NOC3L: variants seen among roughly 807,000 people sequenced by gnomAD.
NOC3L encodes NOC3 like DNA replication regulator.
NOC3L carries 85 observed loss-of-function variants against 102.5 expected under a neutral mutation model. The observed-to-expected ratio is 0.83, with a 90% confidence interval of 0.70 to 0.99. The LOEUF is 0.99. Among genes scored for constraint, NOC3L ranks in the 50% least tolerant of loss-of-function variants. The pLI, the probability that NOC3L is intolerant of heterozygous loss-of-function variation, is 0.00. For missense variants in NOC3L, 878 were observed against 914.9 expected (o/e 0.96, Z 0.52); for synonymous variants, 303 against 309.4 (o/e 0.98, Z 0.22).
chr10:94,317,200 A>C, the NOC3L span, among the ~76,000 whole-genome samples: 59 of 152,328 alleles, frequency 3.9e-4, no homozygotes, highest in East Asian at 7.9e-3. Flanking sequence ...GGTTGCAGAG[A>C]GCTGAGATCG....
At chr10:94,316,652 T>A in the NOC3L span, 1 of 1,613,068 alleles carries the variant, frequency 6.2e-7, no homozygotes, top group Non-Finnish European at 8.5e-7. Context: ...GAAACAACCA[T>A]TCCAGAGAGC....
the NOC3L span, chr10:94,316,747 C>G: frequency 6.2e-7 from 1 of 1,612,704 alleles, no homozygotes; most frequent in Non-Finnish European, 8.5e-7. Flanking sequence ...TCTTAAAAAC[C>G]CAGCAGGAAG....
chr10:94,352,980 T>C lies in NOC3L; in HGVS notation c.774A>G (p.Val258=), dbSNP rs780232728. 5 of 1,613,662 alleles carry C rather than the reference T, an allele frequency of 3.1e-6. No individual in the cohort carries two copies. The highest frequency in any genetic ancestry group is 1.7e-5 in the Admixed American group (1 of 60,004). Residue 258 remains valine, a synonymous_variant, in exon 7 of 21, where the codon GTA becomes GTG. Coordinates refer to ENST00000371361, the MANE Select transcript of NOC3L (RefSeq NM_022451.11). ...TAAATAACTCCATCAGAGAAACAAT[T>C]ACCAGCTTTCGAACAGTAACAGCCA... ...PDVAVTVRKL[V]IVSLMELFKD... is the part of the protein sequence containing the mutation.
chr10:94,353,755 T>C (rs905837347), intron 6 of NOC3L, among the ~76,000 whole-genome samples: 2 of 152,264 alleles, frequency 1.3e-5, no homozygotes, highest in Non-Finnish European at 2.9e-5. Flanking sequence ...TTTCCTAAAG[T>C]ACGTGTGTCC....
In NOC3L at chr10:94,344,856, T is replaced by C; in HGVS notation, c.1467A>G (p.Lys489=). 1 of 1,597,066 alleles carries C rather than the reference T, an allele frequency of 6.3e-7. No homozygotes were observed. The highest frequency in any genetic ancestry group is 8.5e-7 in the Non-Finnish European group (1 of 1,174,790). ...AACAGAATATGAAACTGCCTACCAG[T>C]TTAAGTTTTTTCTCAGTACTCTCTG... ...EASESTEKKL[K]LHTETLNIVF... is the part of the protein sequence containing the mutation. The change falls in exon 12 of 21, where the codon AAA becomes AAG. Residue 489 remains lysine, a synonymous_variant. Coordinates refer to ENST00000371361, the MANE Select transcript of NOC3L (RefSeq NM_022451.11).
chr10:94,359,056 G>A (rs1331242674), intron 2 of NOC3L, among the ~76,000 whole-genome samples: 3 of 150,930 alleles, frequency 2.0e-5, no homozygotes, highest in Non-Finnish European at 4.4e-5. Context: ...TTGAAGTGCT[G>A]AGGATTCAAC....
intron 14 of NOC3L, among the ~76,000 whole-genome samples, 154 bp from the exon 15 acceptor site, chr10:94,340,650 C>A (rs1048888439): frequency 5.3e-5 from 8 of 151,886 alleles, no homozygotes; most frequent in Non-Finnish European, 8.8e-5. Flanking sequence ...TCATTTGAGC[C>A]CAGGAGTTCA....
intron 19 of NOC3L, 125 bp from the exon 20 acceptor site, chr10:94,334,843 C>A: frequency 1.5e-6 from 1 of 669,548 alleles, no homozygotes; most frequent in Non-Finnish European, 2.6e-6. Context: ...TTGAAACTAA[C>A]CAACCAATCC....
chr10:94,356,525 G>A lies in NOC3L; in HGVS notation c.565+10C>T. On this transcript the variant is annotated intron_variant, in intron 5 of 20. Transcript: ENST00000371361. ...CAATTAACAATTTAGTAACTGTAAA[G>A]ACATATTACCTTCCTCAAGTTCCCT... 1.3e-6 allele frequency: 2 copies of A among 1,532,068 alleles called. No homozygotes were observed. The highest frequency in any genetic ancestry group is 1.8e-6 in the Non-Finnish European group (2 of 1,107,982). The allele number at this position is 1,532,068 out of a possible 1,614,324, so 94.9% of individuals were successfully genotyped here.
At chr10:94,348,019 C>T (rs986260870) in intron 10 of NOC3L, among the ~76,000 whole-genome samples, 1 of 150,944 alleles carries the variant, frequency 6.6e-6, no homozygotes, top group Non-Finnish European at 1.5e-5. Context: ...TACCACATAC[C>T]CAAATATACT....
the NOC3L span, among the ~76,000 whole-genome samples, chr10:94,326,300 C>T: frequency 6.6e-6 from 1 of 152,186 alleles, no homozygotes; most frequent in Non-Finnish European, 1.5e-5. Context: ...CTCAGTGATG[C>T]CTCTTCCCAG....
Position 94,358,181 on chromosome 10 carries a change from T to TTCTTCTTCC in NOC3L, c.243_251dup (p.Glu83_Glu85dup). ...CCATCATATCTAAAGGAAGGGCTTC[T>TTCTTCTTCC]TCTTCTTCCTCTTCTTCCCTCTCAA... On this transcript the variant is annotated inframe_insertion, in exon 3 of 21. Coordinates refer to ENST00000371361, the MANE Select transcript of NOC3L (RefSeq NM_022451.11). The TTCTTCTTCC allele has an allele frequency of 2.5e-6, 4 of 1,601,952 alleles. No homozygotes were observed. Among genetic ancestry groups the TTCTTCTTCC allele is most frequent in the Non-Finnish European group, 3.4e-6 (4 of 1,171,198 alleles).
Position 94,338,720 on chromosome 10 carries a change from T to C in NOC3L, c.1979A>G (p.Asp660Gly), listed in dbSNP as rs1361142161. Residue 660 changes from aspartate (D) to glycine (G), a missense_variant, in exon 18 of 21, where the codon GAT becomes GGT. Coordinates refer to ENST00000371361, the MANE Select transcript of NOC3L (RefSeq NM_022451.11). ...CTGAGATTCACTGTCAAGCAGTAGA[T>C]CTGTTTTGGGGAAAGTCTGCAAAAA... ...RILMHTFPKT[D>G]LLLDSESQGS... 1.2e-6 allele frequency: 2 copies of C among 1,613,136 alleles called. No homozygotes were observed. The highest frequency in any genetic ancestry group is 4.5e-5 in the East Asian group (2 of 44,874).
intron 3 of NOC3L, 66 bp downstream of exon 3, chr10:94,358,012 TAAGTG>T (rs1248151704): frequency 1.1e-6 from 1 of 925,140 alleles, no homozygotes; most frequent in Non-Finnish European, 1.8e-6. Flanking sequence ...TTGAACCACC[TAAGTG>T]AAATTCAGAA....
At chr10:94,324,511 C>G in the NOC3L span, 1 of 1,614,092 alleles carries the variant, frequency 6.2e-7, no homozygotes, top group Non-Finnish European at 8.5e-7. Flanking sequence ...GTTTCAAGCC[C>G]AAAGCAAGTG....
At chr10:94,356,693 T>A in intron 4 of NOC3L, 102 bp from the exon 5 acceptor site, 1 of 735,632 alleles carries the variant, frequency 1.4e-6, no homozygotes, top group Non-Finnish European at 2.3e-6. Flanking sequence ...AGGATAGCAG[T>A]TACTTTTATG....
At chr10:94,357,630 T>C in intron 3 of NOC3L, 1 of 241,584 alleles carries the variant, frequency 4.1e-6, no homozygotes. Flanking sequence ...TAAAACCAAG[T>C]GTGACTCTTA....
intron 10 of NOC3L, 45 bp from the exon 11 acceptor site, chr10:94,346,601 T>C (rs1297078273): frequency 1.8e-6 from 2 of 1,140,454 alleles, no homozygotes; most frequent in African/African-American, 1.6e-5. Flanking sequence ...AATATTTATA[T>C]TGCCCTCAAA....
Position 94,339,902 on chromosome 10 carries a change from A to G in NOC3L, c.1799T>C (p.Val600Ala), listed in dbSNP as rs779977297. ...KLHAGATNEG[V>A]EIVLQCLDVM... ...ATCAAGGCACTGGAGTACAATCTCA[A>G]CACCTTCATTGGTAGCACCTAAAAC... Residue 600 changes from valine (V) to alanine (A), a missense_variant, in exon 17 of 21, where the codon GTT becomes GCT. Val to Ala is a moderately conservative substitution (Grantham distance 64). Coordinates refer to ENST00000371361, the MANE Select transcript of NOC3L (RefSeq NM_022451.11). The G allele has an allele frequency of 8.1e-6, 13 of 1,613,480 alleles. No homozygotes were observed. The Admixed American group carries it at 1.7e-4, about 21-fold the overall frequency.
Sources: allele counts gnomAD v4.1 joint callset (sites outside exome capture counted in the v4.1 genomes callset), GRCh38; gene constraint gnomAD v4.1.1; transcripts MANE v1.5; gene names NCBI Gene and HGNC (gene_info 2026-07-23, HGNC 2026-07-21).